CCDC73: variants seen among roughly 807,000 people sequenced by gnomAD.
CCDC73 encodes coiled-coil domain containing 73, also known as coiled-coil domain-containing protein 73.
Under a neutral mutation model 116.5 loss-of-function variants are expected in CCDC73, and 95 were observed. That is an observed-to-expected ratio of 0.82 (90% CI 0.69 to 0.97). The LOEUF (loss-of-function observed/expected upper bound fraction) is 0.97. Among genes scored for constraint, CCDC73 ranks in the 50% least tolerant of loss-of-function variants. CCDC73 has a pLI of 0.00. For missense variants in CCDC73, 1,066 were observed against 1,206.8 expected (o/e 0.88, Z 1.73); for synonymous variants, 398 against 401.3 (o/e 0.99, Z 0.10).
chr11:32,732,731 C>T (rs553196728), intron 2 of CCDC73, among the ~76,000 whole-genome samples: 19 of 152,254 alleles, frequency 1.2e-4, no homozygotes, highest in Middle Eastern at 3.4e-3. Context: ...GAGATTTTGT[C>T]ACCACCAGGC....
chr11:32,753,002 C>T (rs1324221135), intron 2 of CCDC73, among the ~76,000 whole-genome samples: 2 of 152,050 alleles, frequency 1.3e-5, no homozygotes, highest in Non-Finnish European at 2.9e-5. Flanking sequence ...GATAAAGGGT[C>T]TCATTATATT....
At chr11:32,718,002 C>A in intron 3 of CCDC73, 74 bp downstream of exon 3, 1 of 1,003,826 alleles carries the variant, frequency 1.0e-6, no homozygotes, top group Non-Finnish European at 1.5e-6. Flanking sequence ...TCTCCCTTGA[C>A]ACGTGGGGGT....
chr11:32,663,155 T>C (rs1406160950), intron 9 of CCDC73, among the ~76,000 whole-genome samples: 1 of 152,232 alleles, frequency 6.6e-6, no homozygotes, highest in Non-Finnish European at 1.5e-5. Flanking sequence ...GGCTTAGGAT[T>C]GTCTTGGCAA....
chr11:32,721,902 C>T (rs1429532793), intron 2 of CCDC73, among the ~76,000 whole-genome samples: 1 of 152,098 alleles, frequency 6.6e-6, no homozygotes, highest in South Asian at 2.1e-4. Context: ...CAGCCTATGA[C>T]TCACTTTTAT....
intron 5 of CCDC73, among the ~76,000 whole-genome samples, chr11:32,699,885 T>A (rs200781942): frequency 0.29 from 42,451 of 145,782 alleles, 6,265 homozygotes; most frequent in Non-Finnish European, 0.32. Flanking sequence ...AAAAAATATA[T>A]ATATATATAT....
chr11:32,798,989 C>A (rs1850750078), upstream of CCDC73, among the ~76,000 whole-genome samples: 1 of 151,660 alleles, frequency 6.6e-6, no homozygotes, highest in Non-Finnish European at 1.5e-5. Flanking sequence ...TGGCTCACTG[C>A]AGCCTTACCT....
intron 2 of CCDC73, among the ~76,000 whole-genome samples, chr11:32,743,282 C>T (rs1333816666): frequency 6.6e-6 from 1 of 152,062 alleles, no homozygotes; most frequent in East Asian, 1.9e-4. Context: ...TCTTCCTATC[C>T]ATGAGCATGT....
intron 4 of CCDC73, among the ~76,000 whole-genome samples, 153 bp downstream of exon 4, chr11:32,702,720 A>T (rs1849824671): frequency 6.6e-6 from 1 of 152,234 alleles, no homozygotes; most frequent in African/African-American, 2.4e-5. Context: ...AGTTGTGATT[A>T]AAAATGATTT....
At chr11:32,674,775 AAT>A (rs1491446374) in intron 9 of CCDC73, among the ~76,000 whole-genome samples, 2 of 152,216 alleles carry the variant, frequency 1.3e-5, no homozygotes, top group African/African-American at 4.8e-5. Context: ...AGAAGAAAGA[AAT>A]ATGTTTGTGT....
chr11:32,609,956 T>TG (rs1855404702), intron 17 of CCDC73, among the ~76,000 whole-genome samples: 1 of 150,480 alleles, frequency 6.6e-6, no homozygotes, highest in Non-Finnish European at 1.5e-5. Flanking sequence ...ATTTTTTTTT[T>TG]TTTTTTGTAT....
At chr11:32,714,130 CATTT>C (rs1421094068) in intron 3 of CCDC73, among the ~76,000 whole-genome samples, 2 of 152,014 alleles carry the variant, frequency 1.3e-5, no homozygotes, top group African/African-American at 4.8e-5. Flanking sequence ...AAAACCTTGT[CATTT>C]ATTTAGAAAT....
At chr11:32,667,297 G>A (rs550392699) in intron 9 of CCDC73, among the ~76,000 whole-genome samples, 4 of 152,332 alleles carry the variant, frequency 2.6e-5, no homozygotes, top group Admixed American at 2.6e-4. Flanking sequence ...TCCTTGAGCT[G>A]TGGTGGGCTC....
chr11:32,791,491 C>A (rs1470207100), intron 1 of CCDC73, among the ~76,000 whole-genome samples: 1 of 152,184 alleles, frequency 6.6e-6, no homozygotes, highest in African/African-American at 2.4e-5. Context: ...CCAAGTTTAC[C>A]TTGATCTTGA....
At chr11:32,656,818 T>C (rs1385588728) in intron 9 of CCDC73, among the ~76,000 whole-genome samples, 1 of 151,604 alleles carries the variant, frequency 6.6e-6, no homozygotes, top group African/African-American at 2.4e-5. Context: ...CTTAATTTTT[T>C]TAAAGGTCTT....
At chr11:32,768,471 T>A (rs1033546123) in intron 1 of CCDC73, among the ~76,000 whole-genome samples, 5 of 151,824 alleles carry the variant, frequency 3.3e-5, no homozygotes, top group African/African-American at 9.7e-5. Context: ...TAAAGTATAG[T>A]AATAAAAAAT....
chr11:32,766,459 G>A (rs1386345928), intron 1 of CCDC73, among the ~76,000 whole-genome samples: 1 of 152,180 alleles, frequency 6.6e-6, no homozygotes, highest in Non-Finnish European at 1.5e-5. Context: ...TCTGGCCAGG[G>A]CAATCAGGCA....
the CCDC73 span, among the ~76,000 whole-genome samples, chr11:32,828,794 T>C: frequency 1.3e-5 from 2 of 152,192 alleles, no homozygotes; most frequent in Non-Finnish European, 2.9e-5. Flanking sequence ...TATCTAATGA[T>C]ATTTATTATC....
chr11:32,745,744 G>GT (rs1491140173), intron 2 of CCDC73, among the ~76,000 whole-genome samples: 4 of 42,684 alleles, frequency 9.4e-5, no homozygotes, highest in Non-Finnish European at 2.0e-4. Context: ...TGTTTGTTTT[G>GT]GTTTTTTTTT....
intron 6 of CCDC73, among the ~76,000 whole-genome samples, chr11:32,687,973 T>A (rs1221702964): frequency 6.6e-6 from 1 of 152,182 alleles, no homozygotes; most frequent in African/African-American, 2.4e-5. Context: ...AAACCAAGAA[T>A]AATTTGATAA....
Sources: gnomAD v4.1 joint callset for allele counts (sites outside exome capture counted in the v4.1 genomes callset) on GRCh38, gnomAD v4.1.1 for gene constraint, MANE v1.5 for transcripts, NCBI Gene and HGNC (gene_info 2026-07-23, HGNC 2026-07-21) for gene names.